Variants in ADGRL3 observed in about 807,000 individuals in gnomAD.
ADGRL3 encodes the protein calcium-independent alpha-latrotoxin receptor 3.
A neutral mutation model predicts 153.5 loss-of-function variants in ADGRL3; 62 were observed. The ratio of observed to expected loss-of-function variants is 0.40; its 90% confidence interval spans 0.33 to 0.50. The LOEUF is 0.50. ADGRL3 is among the 20% of genes least tolerant of loss of function. The pLI is 0.47. For synonymous variants in ADGRL3, 710 were observed against 672.5 expected, an observed-to-expected ratio of 1.06 and a Z score of -0.86; for missense variants, 1,641 against 1,859.4, an observed-to-expected ratio of 0.88 and a Z score of 2.16.
intron 4 of ADGRL3, among the ~76,000 whole-genome samples, chr4:61,573,776 A>C (rs1394589843): frequency 6.6e-6 from 1 of 152,006 alleles, no homozygotes; most frequent in Non-Finnish European, 1.5e-5. Context: ...AAATAAGGCT[A>C]CTAAATTGTG....
intron 11 of ADGRL3, among the ~76,000 whole-genome samples, chr4:61,897,749 C>T (rs2098639921): frequency 6.6e-6 from 1 of 152,108 alleles, no homozygotes; most frequent in African/African-American, 2.4e-5. Context: ...TCATAGAATT[C>T]ATCCCTTTTC....
At chr4:62,035,544 C>T (rs931872718) in intron 23 of ADGRL3, among the ~76,000 whole-genome samples, 1 of 152,024 alleles carries the variant, frequency 6.6e-6, no homozygotes. Flanking sequence ...AGAGATGCTT[C>T]ATAAATCAGT....
rs1455853221 is a variant in ADGRL3, at chr4:62,070,462, C to T, written c.4186C>T (p.His1396Tyr). ...GGAGAGTTTGGGCCTGGAACTCATT[C>T]ATGAGGAATCTGATGCTCCTTTGCT... Reference protein sequence around the residue: ...HEESLGLELIHEESDAPLLPP... With the variant: ...HEESLGLELIYEESDAPLLPP... Residue 1396 changes from histidine (H) to tyrosine (Y), a missense_variant, in exon 27 of 27, where the codon CAT (histidine) becomes TAT (tyrosine). His to Tyr is a moderately conservative substitution (Grantham distance 83, BLOSUM62 2). Around this residue, in one of 5 missense-constraint regions of ADGRL3, gnomAD observed 517 missense variants for 555.0 expected, o/e 0.93. Coordinates refer to ENST00000683033, the MANE Select transcript of ADGRL3 (RefSeq NM_001387552.1). The T allele has an allele frequency of 6.4e-7, 1 of 1,551,640 alleles. No individual in the cohort carries two copies. The highest frequency in any genetic ancestry group is 2.4e-5 in the East Asian group (1 of 40,866).
chr4:62,003,920 A>G (rs1188271029), intron 21 of ADGRL3, among the ~76,000 whole-genome samples: 3 of 152,136 alleles, frequency 2.0e-5, no homozygotes, highest in African/African-American at 7.2e-5. Context: ...GACACCTGCC[A>G]TATGCTAAGA....
chr4:61,848,526 C>T (rs1250833670), intron 9 of ADGRL3, among the ~76,000 whole-genome samples: 2 of 151,988 alleles, frequency 1.3e-5, no homozygotes, highest in African/African-American at 2.4e-5. Flanking sequence ...CCAGTATGAC[C>T]TCATCTTAAT....
At position 61,892,605 on chromosome 4, in the gene ADGRL3, G is replaced by A. The variant is rs921079186; in HGVS notation, c.1481-51G>A. ...TTCTAAAGTACTAGGACATCTTGAGGTCCTCCTGTGAACAAGCAATGTAGG... is the reference window on the plus strand; with the variant it reads ...TTCTAAAGTACTAGGACATCTTGAGATCCTCCTGTGAACAAGCAATGTAGG... On this transcript the variant is annotated intron_variant, in intron 9 of 26. Coordinates refer to ENST00000683033, the MANE Select transcript of ADGRL3 (RefSeq NM_001387552.1). 29 of 1,333,734 alleles carry A rather than the reference G, an allele frequency of 2.2e-5. No individual in the cohort carries two copies. In the Middle Eastern group the frequency reaches 5.5e-4, roughly 25 times the overall value. The allele number at this position is 1,333,734 out of a possible 1,614,324, so 82.6% of individuals were successfully genotyped here.
At chr4:61,483,977 T>G (rs911052338) in intron 2 of ADGRL3, among the ~76,000 whole-genome samples, 1 of 151,810 alleles carries the variant, frequency 6.6e-6, no homozygotes, top group South Asian at 2.1e-4. Flanking sequence ...ATTCTGCTCA[T>G]ATATTTAAAT....
chr4:61,664,735 T>G (rs192600303), intron 5 of ADGRL3, among the ~76,000 whole-genome samples: 1 of 152,274 alleles, frequency 6.6e-6, no homozygotes, highest in African/African-American at 2.4e-5. Flanking sequence ...TTTATAGGGT[T>G]CAGGTTTATT....
intron 3 of ADGRL3, among the ~76,000 whole-genome samples, chr4:61,511,230 G>T (rs1285275345): frequency 6.6e-6 from 1 of 152,056 alleles, no homozygotes; most frequent in Non-Finnish European, 1.5e-5. Context: ...CATGGTGGCG[G>T]GTGCCACCTC....
intron 1 of ADGRL3, among the ~76,000 whole-genome samples, chr4:61,338,594 A>C (rs1416493854): frequency 6.6e-6 from 1 of 152,192 alleles, no homozygotes; most frequent in Non-Finnish European, 1.5e-5. Context: ...ATTTTGAGTG[A>C]GACTCTGCTC....
At chr4:61,813,993 G>T in intron 9 of ADGRL3, 104 bp downstream of exon 9, 1 of 1,448,318 alleles carries the variant, frequency 6.9e-7, no homozygotes, top group Admixed American at 2.3e-5. Context: ...TGTTCAAAAA[G>T]CAGGGGTAAA....
At chr4:61,504,643 T>A (rs2098415419) in intron 3 of ADGRL3, among the ~76,000 whole-genome samples, 1 of 152,160 alleles carries the variant, frequency 6.6e-6, no homozygotes, top group Non-Finnish European at 1.5e-5. Flanking sequence ...CCATCTTCTC[T>A]TCATCTTTCT....
intron 4 of ADGRL3, among the ~76,000 whole-genome samples, chr4:61,521,571 A>C (rs1250869560): frequency 2.6e-5 from 4 of 152,162 alleles, no homozygotes; most frequent in Non-Finnish European, 5.9e-5. Flanking sequence ...GATAGATAAG[A>C]AATAGACGAG....
intron 1 of ADGRL3, among the ~76,000 whole-genome samples, chr4:61,336,353 T>G (rs2095673719): frequency 6.6e-6 from 1 of 152,166 alleles, no homozygotes; most frequent in African/African-American, 2.4e-5. Flanking sequence ...ATGATTTGGT[T>G]GTTATCCACA....
chr4:62,006,299 G>A (rs1242726661), intron 21 of ADGRL3, among the ~76,000 whole-genome samples: 1 of 151,842 alleles, frequency 6.6e-6, no homozygotes, highest in Non-Finnish European at 1.5e-5. Flanking sequence ...GCCTCCCAAA[G>A]TGCCTGAGCC....
At chr4:62,016,283 A>G (rs1386507180) in intron 21 of ADGRL3, among the ~76,000 whole-genome samples, 5 of 152,028 alleles carry the variant, frequency 3.3e-5, no homozygotes, top group Non-Finnish European at 5.9e-5. Context: ...TCTTGACCTC[A>G]TGATCTGCCC....
intron 18 of ADGRL3, 146 bp downstream of exon 18, chr4:61,979,918 C>T (rs906474859): frequency 2.9e-6 from 2 of 691,322 alleles, no homozygotes; most frequent in African/African-American, 3.6e-5. Flanking sequence ...ACTCAGTTTT[C>T]CATTTTTCAT....
intron 18 of ADGRL3, among the ~76,000 whole-genome samples, chr4:61,981,243 A>G (rs904171355): frequency 6.6e-6 from 1 of 152,226 alleles, no homozygotes; most frequent in African/African-American, 2.4e-5. Context: ...AGAAAATGAA[A>G]GAATATCTTT....
At chr4:61,628,184 A>T (rs552315286) in intron 5 of ADGRL3, among the ~76,000 whole-genome samples, 1 of 152,264 alleles carries the variant, frequency 6.6e-6, no homozygotes, top group Non-Finnish European at 1.5e-5. Flanking sequence ...ATTGTCTCCT[A>T]TTACATTGTG....
Sources: gnomAD v4.1 joint callset for allele counts (sites outside exome capture counted in the v4.1 genomes callset) on GRCh38, gnomAD v4.1.1 for gene constraint, gnomAD v4.1.1 regional missense constraint, MANE v1.5 for transcripts, NCBI Gene and HGNC (gene_info 2026-07-23, HGNC 2026-07-21) for gene names.